Variants in TMC1 observed in about 807,000 individuals in gnomAD.
TMC1 encodes the protein transmembrane channel like 1.
In TMC1, 84 loss-of-function variants were observed where a neutral mutation model predicts 105.8. The ratio of observed to expected loss-of-function variants is 0.79; its 90% confidence interval spans 0.67 to 0.95. The LOEUF (loss-of-function observed/expected upper bound fraction) is 0.95. Among genes scored for constraint, TMC1 ranks in the 40% least tolerant of loss-of-function variants. The probability of loss-of-function intolerance (pLI) is 0.00; values close to 1 mark genes in which losing one functional copy is unlikely to be tolerated. For missense variants in TMC1, 817 were observed against 914.1 expected (o/e 0.89, Z 1.37); for synonymous variants, 315 against 311.5 (o/e 1.01, Z -0.12).
chr9:72,705,724 G>A (rs1400516334), intron 8 of TMC1, among the ~76,000 whole-genome samples: 1 of 152,182 alleles, frequency 6.6e-6, no homozygotes, highest in Non-Finnish European at 1.5e-5. Context: ...CTACAAATTA[G>A]GATACAGAAA....
chr9:72,757,331 A>G (rs749329219), intron 12 of TMC1, among the ~76,000 whole-genome samples: 2 of 152,198 alleles, frequency 1.3e-5, no homozygotes, highest in Non-Finnish European at 2.9e-5. Flanking sequence ...TATATCTGAG[A>G]CTAAGCTCGA....
chr9:72,587,028 G>A (rs938276360), intron 2 of TMC1, among the ~76,000 whole-genome samples: 7 of 152,170 alleles, frequency 4.6e-5, no homozygotes, highest in African/African-American at 1.4e-4. Flanking sequence ...GGTACTACCG[G>A]CATCTAGTGG....
At chr9:72,736,983 T>C (rs927171973) in intron 8 of TMC1, among the ~76,000 whole-genome samples, 23 of 152,176 alleles carry the variant, frequency 1.5e-4, no homozygotes, top group African/African-American at 5.5e-4. Context: ...GCAGTTTACT[T>C]TGAAAAAGAC....
chr9:72,668,116 T>G (rs1826072144), intron 5 of TMC1, among the ~76,000 whole-genome samples: 1 of 152,248 alleles, frequency 6.6e-6, no homozygotes, highest in South Asian at 2.1e-4. Flanking sequence ...CCAGATTTCA[T>G]TAGATTAGTA....
At chr9:72,801,954 T>C (rs1273321571) in intron 17 of TMC1, among the ~76,000 whole-genome samples, 1 of 152,220 alleles carries the variant, frequency 6.6e-6, no homozygotes, top group African/African-American at 2.4e-5. Flanking sequence ...GGGATGAGGA[T>C]GCTTAAGAGG....
In TMC1 at chr9:72,683,733, T is replaced by TATATATATATATATATA. The variant is rs1588029653; in HGVS notation, c.17-4976_17-4975insATATATATATATATATA. Among the ~76,000 whole-genome samples the TATATATATATATATATA allele has an allele frequency of 6.6e-4, 35 of 53,390 alleles. 5 individuals carry two copies. The highest frequency in any genetic ancestry group is 1.4e-3 in the East Asian group (2 of 1,392). 35.0% of individuals were successfully genotyped at this position (53,390 alleles called of 152,430 possible). A position where few individuals can be genotyped will look rare whatever the true frequency, so the allele number is the denominator to read the frequency against. The stretch of plus-strand genomic sequence containing the variant: ...TCTGAGTTAACCTGAGTTACACATT[T>TATATATATATATATATA]TATATATATATATATATATATATAT... On this transcript the variant is annotated intron_variant, in intron 5 of 23. Coordinates refer to ENST00000297784, the MANE Select transcript of TMC1 (RefSeq NM_138691.3).
chr9:72,674,229 A>T lies in TMC1; in HGVS notation c.17-14480A>T, dbSNP rs146164722. ...TCCTTAAATTGGTCTATAATTCAAC[A>T]GAATCTCAATCAATACCTCAATAGG... is the stretch of plus-strand genomic sequence containing the variant. On this transcript the variant is annotated intron_variant, in intron 5 of 23. Coordinates refer to ENST00000297784, the MANE Select transcript of TMC1 (RefSeq NM_138691.3). Among the ~76,000 whole-genome samples, 393 of 152,344 alleles carry T rather than the reference A, an allele frequency of 2.6e-3. 4 individuals carry two copies. The highest frequency in any genetic ancestry group is 8.8e-3 in the African/African-American group (365 of 41,586).
chr9:72,631,260 A>C (rs1224587071), intron 4 of TMC1, among the ~76,000 whole-genome samples: 1 of 152,270 alleles, frequency 6.6e-6, no homozygotes, highest in Non-Finnish European at 1.5e-5. Context: ...TACAAATAAA[A>C]ATTACAAATG....
intron 13 of TMC1, among the ~76,000 whole-genome samples, chr9:72,776,176 A>G (rs758414015): frequency 4.5e-4 from 69 of 152,064 alleles, no homozygotes; most frequent in Non-Finnish European, 8.1e-4. Context: ...GGATACTTAA[A>G]TCATGTGCTA....
chr9:72,662,356 T>G (rs1825981004), intron 5 of TMC1, among the ~76,000 whole-genome samples: 3 of 151,364 alleles, frequency 2.0e-5, no homozygotes, highest in Non-Finnish European at 4.4e-5. Flanking sequence ...TCAGCAATTT[T>G]TTTTTTTTTT....
At chr9:72,691,572 GA>G (rs953611682) in intron 6 of TMC1, among the ~76,000 whole-genome samples, 5 of 152,150 alleles carry the variant, frequency 3.3e-5, no homozygotes, top group African/African-American at 1.2e-4. Flanking sequence ...CAATAAGAGG[GA>G]TTTTTCAGTT....
chr9:72,673,898 G>A (rs1273038694), intron 5 of TMC1, among the ~76,000 whole-genome samples: 5 of 152,178 alleles, frequency 3.3e-5, no homozygotes, highest in South Asian at 4.2e-4. Flanking sequence ...TGAAGAGGAG[G>A]AAATATTTCC....
chr9:72,551,508 G>T (rs1419869888), intron 1 of TMC1, among the ~76,000 whole-genome samples: 1 of 152,166 alleles, frequency 6.6e-6, no homozygotes, highest in African/African-American at 2.4e-5. Context: ...CCAGAATCGT[G>T]GAAGCAGATG....
chr9:72,525,372 A>G (rs1041141523), intron 1 of TMC1, among the ~76,000 whole-genome samples: 1 of 152,192 alleles, frequency 6.6e-6, no homozygotes, highest in African/African-American at 2.4e-5. Flanking sequence ...TTCATTGGCT[A>G]AAAAGTGAAC....
intron 2 of TMC1, among the ~76,000 whole-genome samples, chr9:72,611,993 A>G (rs555086628): frequency 6.6e-5 from 10 of 152,200 alleles, no homozygotes; most frequent in African/African-American, 1.7e-4. Context: ...TATGGACCAT[A>G]TCAGTGGGCT....
At chr9:72,582,541 A>G (rs1035878345) in intron 2 of TMC1, among the ~76,000 whole-genome samples, 2 of 152,176 alleles carry the variant, frequency 1.3e-5, no homozygotes, top group African/African-American at 4.8e-5. Context: ...AAGCTTTCAA[A>G]TAGATTGACT....
At chr9:72,822,895 G>T (rs941681832) in intron 20 of TMC1, among the ~76,000 whole-genome samples, 1 of 152,174 alleles carries the variant, frequency 6.6e-6, no homozygotes, top group East Asian at 1.9e-4. Flanking sequence ...TCTTAGACAT[G>T]AACAATAGTT....
At chr9:72,717,173 C>T (rs1299611597) in intron 8 of TMC1, among the ~76,000 whole-genome samples, 2 of 152,202 alleles carry the variant, frequency 1.3e-5, no homozygotes, top group African/African-American at 2.4e-5. Context: ...ATCGATCTTG[C>T]TGAGAGCTGC....
At chr9:72,710,581 T>C (rs765960989) in intron 8 of TMC1, among the ~76,000 whole-genome samples, 1 of 152,182 alleles carries the variant, frequency 6.6e-6, no homozygotes, top group Non-Finnish European at 1.5e-5. Context: ...CAAAGCCTTT[T>C]ATCATGATTT....
Sources: allele counts gnomAD v4.1 joint callset (sites outside exome capture counted in the v4.1 genomes callset), GRCh38; gene constraint gnomAD v4.1.1; transcripts MANE v1.5; gene names NCBI Gene and HGNC (gene_info 2026-07-23, HGNC 2026-07-21).